CAMK4: variants seen among roughly 807,000 people sequenced by gnomAD.
CAMK4 encodes the protein calcium/calmodulin dependent protein kinase IV, also known as calcium/calmodulin-dependent protein kinase type IV.
A neutral mutation model predicts 44.9 loss-of-function variants in CAMK4; 22 were observed. The observed-to-expected ratio is 0.49, with a 90% CI of 0.35 to 0.70. CAMK4 has a LOEUF of 0.70. Ranked by LOEUF, CAMK4 falls within the 30% of genes least tolerant of loss-of-function variation. The pLI is 0.01. For missense variants in CAMK4, 498 were observed against 586.8 expected (o/e 0.85, Z 1.56); for synonymous variants, 218 against 215.4 (o/e 1.01, Z -0.11).
chr5:111,312,964 CAACTTT>C (rs1748272824), intron 1 of CAMK4, among the ~76,000 whole-genome samples: 1 of 152,084 alleles, frequency 6.6e-6, no homozygotes, highest in Admixed American at 6.6e-5. Context: ...TAACTTAAAA[CAACTTT>C]AACTTAAGCT....
chr5:111,437,408 G>A (rs931599687), intron 5 of CAMK4, among the ~76,000 whole-genome samples: 7 of 152,190 alleles, frequency 4.6e-5, no homozygotes, highest in Non-Finnish European at 1.0e-4. Context: ...ATTCAAAAGC[G>A]TTTACTGAAT....
At chr5:111,420,339 G>A (rs905569428) in intron 5 of CAMK4, among the ~76,000 whole-genome samples, 3 of 152,052 alleles carry the variant, frequency 2.0e-5, no homozygotes, top group African/African-American at 4.8e-5. Flanking sequence ...GAGATTTTGG[G>A]GTGAGACAAT....
At chr5:111,383,171 G>A (rs1210448032) in intron 4 of CAMK4, among the ~76,000 whole-genome samples, 3 of 152,298 alleles carry the variant, frequency 2.0e-5, no homozygotes, top group South Asian at 4.1e-4. Flanking sequence ...GGAGAGATTT[G>A]TATGAGAGGG....
At chr5:111,325,001 C>A (rs1236277867) in intron 1 of CAMK4, among the ~76,000 whole-genome samples, 1 of 151,510 alleles carries the variant, frequency 6.6e-6, no homozygotes, top group African/African-American at 2.4e-5. Context: ...CCCTCCCCTT[C>A]CCCCAACCCC....
chr5:111,264,494 A>G (rs1291145778), intron 1 of CAMK4, among the ~76,000 whole-genome samples: 1 of 152,154 alleles, frequency 6.6e-6, no homozygotes, highest in Non-Finnish European at 1.5e-5. Context: ...CCAATTTCCT[A>G]TCAGATACCC....
chr5:111,330,355 G>A (rs1026167295), intron 1 of CAMK4, among the ~76,000 whole-genome samples: 17 of 151,560 alleles, frequency 1.1e-4, no homozygotes, highest in African/African-American at 3.6e-4. Context: ...AAACCTAAAT[G>A]GAGTGATACA....
At chr5:111,480,249 A>AACACACACACACACACACACACACACAC (rs532395570) in intron 9 of CAMK4, among the ~76,000 whole-genome samples, 34 of 121,264 alleles carry the variant, frequency 2.8e-4, no homozygotes, top group African/African-American at 6.9e-4. Context: ...TAGGCATGTA[A>AACACACACACACACACACACACACACAC]ACACACACAC....
intron 1 of CAMK4, among the ~76,000 whole-genome samples, chr5:111,225,698 G>A (rs1340519651): frequency 6.6e-6 from 1 of 152,104 alleles, no homozygotes; most frequent in African/African-American, 2.4e-5. Flanking sequence ...TCCAGAGCAG[G>A]ATTCTGGATG....
intron 5 of CAMK4, among the ~76,000 whole-genome samples, chr5:111,405,011 C>A (rs1343644413): frequency 2.6e-5 from 4 of 152,038 alleles, no homozygotes; most frequent in Non-Finnish European, 5.9e-5. Flanking sequence ...AAGAAATTCA[C>A]CAATAAACTG....
intron 5 of CAMK4, among the ~76,000 whole-genome samples, chr5:111,434,348 G>C (rs1156851346): frequency 6.6e-6 from 1 of 151,670 alleles, no homozygotes; most frequent in Non-Finnish European, 1.5e-5. Context: ...ACTAAGTAGT[G>C]ACAATGTAAA....
chr5:111,473,617 A>C (rs1179466382), intron 8 of CAMK4, among the ~76,000 whole-genome samples: 1 of 152,190 alleles, frequency 6.6e-6, no homozygotes, highest in Non-Finnish European at 1.5e-5. Flanking sequence ...GTCTATATCC[A>C]CTATGTAATA....
intron 1 of CAMK4, among the ~76,000 whole-genome samples, chr5:111,324,406 T>C (rs1292411419): frequency 2.0e-5 from 3 of 152,074 alleles, no homozygotes; most frequent in Non-Finnish European, 4.4e-5. Context: ...ATTTAGCTGA[T>C]GATAAAATAG....
chr5:111,352,365 A>AT (rs1561432719), intron 2 of CAMK4, among the ~76,000 whole-genome samples: 1 of 36,214 alleles, frequency 2.8e-5, no homozygotes, highest in Non-Finnish European at 7.0e-5. Context: ...GCTGTTCACA[A>AT]ATGGCAAAAT....
At chr5:111,411,078 A>C (rs1446630609) in intron 5 of CAMK4, among the ~76,000 whole-genome samples, 1 of 152,148 alleles carries the variant, frequency 6.6e-6, no homozygotes, top group Non-Finnish European at 1.5e-5. Flanking sequence ...GTATTTGTCA[A>C]CAATCTTCCA....
At chr5:111,294,689 G>A (rs200873550) in intron 1 of CAMK4, among the ~76,000 whole-genome samples, 1 of 135,080 alleles carries the variant, frequency 7.4e-6, no homozygotes, top group African/African-American at 2.8e-5. Flanking sequence ...TTTTTTTTTT[G>A]AGAAAATCCA....
rs1341178082 is a variant in CAMK4 at position 111,356,406 on chromosome 5, C to T, written c.240+12304C>T. On this transcript the variant is annotated intron_variant, in intron 2 of 10. Transcript: ENST00000282356. ...TCATTGTAGATTCTGGATATTAGCC[C>T]TTTGTCAGATGAGTAGGTTGCGGAA... Among the ~76,000 whole-genome samples, 353 of 152,246 alleles carry T rather than the reference C, an allele frequency of 2.3e-3. 3 individuals carry two copies. Among genetic ancestry groups the T allele is most frequent in the African/African-American group, 7.7e-3 (321 of 41,554 alleles).
At chr5:111,419,199 A>G (rs1384256969) in intron 5 of CAMK4, among the ~76,000 whole-genome samples, 1 of 152,154 alleles carries the variant, frequency 6.6e-6, no homozygotes, top group Non-Finnish European at 1.5e-5. Context: ...GCCAGTGATG[A>G]TGAGCATTTT....
chr5:111,238,947 T>G (rs1748868785), intron 1 of CAMK4, among the ~76,000 whole-genome samples: 1 of 151,186 alleles, frequency 6.6e-6, no homozygotes, highest in Non-Finnish European at 1.5e-5. Flanking sequence ...CACTAGCACC[T>G]TGGATCCCAC....
At chr5:111,266,270 A>G (rs1421353730) in intron 1 of CAMK4, 2 of 151,854 alleles carry the variant, frequency 1.3e-5, no homozygotes, top group Non-Finnish European at 2.9e-5. Flanking sequence ...ACGTTTGCCC[A>G]TGAGAACATT....
Sources: gnomAD v4.1 joint callset for allele counts (sites outside exome capture counted in the v4.1 genomes callset) on GRCh38, gnomAD v4.1.1 for gene constraint, MANE v1.5 for transcripts, NCBI Gene and HGNC (gene_info 2026-07-23, HGNC 2026-07-21) for gene names.